PACS2: variants seen among roughly 807,000 people sequenced by gnomAD.
PACS2 encodes phosphofurin acidic cluster sorting protein 2.
Under a neutral mutation model 113.0 loss-of-function variants are expected in PACS2, and 36 were observed. That is an observed-to-expected ratio of 0.32 (90% CI 0.24 to 0.42). The LOEUF (loss-of-function observed/expected upper bound fraction) is 0.42. PACS2 is among the 10% of genes least tolerant of loss of function. PACS2 has a pLI of 1.00. For synonymous variants in PACS2, 589 were observed against 536.1 expected, an observed-to-expected ratio of 1.10 and a Z score of -1.36; for missense variants, 1,015 against 1,239.5, an observed-to-expected ratio of 0.82 and a Z score of 2.72.
intron 8 of PACS2, among the ~76,000 whole-genome samples, chr14:105,374,094 G>T (rs1272950844): frequency 3.3e-5 from 5 of 151,182 alleles, no homozygotes; most frequent in African/African-American, 1.2e-4. Flanking sequence ...GGCAGAGGTT[G>T]CAGTGAGCCA....
At position 105,382,258 on chromosome 14, in the gene PACS2, G is replaced by C. The variant is rs114186851; in HGVS notation, c.1413+200G>C. Among the ~76,000 whole-genome samples, 531 of 152,326 alleles carry C rather than the reference G, an allele frequency of 3.5e-3. 6 individuals carry two copies. Among genetic ancestry groups the C allele is most frequent in the African/African-American group, 0.012 (519 of 41,576 alleles). On this transcript the variant is annotated intron_variant, in intron 13 of 24. Transcript: ENST00000447393. ...GTCAGGAAGACCATGTGGACCCCAG[G>C]GCAAGTTCTAGTCCTTCTGCTGCCC...
Position 105,323,293 on chromosome 14 carries a change from C to T in PACS2, c.119+8256C>T, listed in dbSNP as rs1437030004. On this transcript the variant is annotated intron_variant, in intron 1 of 24. Transcript: ENST00000447393. The surrounding 1 kb of genome is among the most constrained non-coding windows in gnomAD (Gnocchi z 4.1). ...CAATTGGACGTGTTGCTCTTCCTGC[C>T]GGATCCTCCACATCCATAGATGCAC... Among the ~76,000 whole-genome samples the T allele has an allele frequency of 2.0e-5, 3 of 152,224 alleles. No individual in the cohort carries two copies. Among genetic ancestry groups the T allele is most frequent in the East Asian group, 1.9e-4 (1 of 5,202 alleles).
rs587635722 is a variant in PACS2, at chr14:105,348,466, G to C, written c.120-27G>C. The stretch of plus-strand genomic sequence containing the variant: ...CGTCCTGAGGAGAGGGCGGAGCCCC[G>C]AGGCTGAGCTGTGCCTTGCCTCACA... On this transcript the variant is annotated intron_variant, in intron 1 of 24. Transcript: ENST00000447393. The surrounding 1 kb of genome is among the most constrained non-coding windows in gnomAD (Gnocchi z 6.4). 8 of 1,578,894 alleles carry C rather than the reference G, an allele frequency of 5.1e-6. No individual in the cohort carries two copies. Among genetic ancestry groups the C allele is most frequent in the Non-Finnish European group, 7.0e-6 (8 of 1,151,012 alleles).
In PACS2 at chr14:105,391,653, C is replaced by G; in HGVS notation, c.2142C>G (p.Pro714=). 6.2e-7 allele frequency: 1 copy of G among 1,610,626 alleles called. No individual in the cohort carries two copies. Among genetic ancestry groups the G allele is most frequent in the East Asian group, 2.2e-5 (1 of 44,836 alleles). Residue 714 remains proline, a synonymous_variant, in exon 22 of 25, where the codon CCC becomes CCG. Coordinates refer to ENST00000447393, the MANE Select transcript of PACS2 (RefSeq NM_001100913.3). The part of the protein sequence containing the change: ...ATSGDSDDAA[P]SGSGTLSSTP... Reference sequence around the variant, plus strand: ...AAGGCGACTCGGACGACGCGGCCCCCTCGGGCTCTGGCACGCTCTCCTCCA... The same window carrying G: ...AAGGCGACTCGGACGACGCGGCCCCGTCGGGCTCTGGCACGCTCTCCTCCA...
chr14:105,392,685 C>T lies in PACS2; in HGVS notation c.2322C>T (p.Asp774=). The part of the protein sequence containing the change: ...VDYWTAAQPA[D]RKRDAEKKDL... ...ACTGGACGGCAGCACAGCCTGCGGA[C>T]AGGAAGAGGGACGCCGAGAAGAAGG... The change falls in exon 23 of 25, where the codon GAC becomes GAT. Residue 774 remains aspartate (D), a synonymous_variant. Coordinates refer to ENST00000447393, the MANE Select transcript of PACS2 (RefSeq NM_001100913.3). The T allele has an allele frequency of 6.2e-7, 1 of 1,612,796 alleles. No individual in the cohort carries two copies. Among genetic ancestry groups the T allele is most frequent in the Non-Finnish European group, 8.5e-7 (1 of 1,179,914 alleles).
intron 21 of PACS2, 38 bp downstream of exon 21, chr14:105,391,287 G>A (rs782718016): frequency 6.5e-6 from 10 of 1,535,918 alleles, no homozygotes; most frequent in East Asian, 2.2e-5. Context: ...TGAGTGGCCC[G>A]TGGGTGGGCT....
intron 21 of PACS2, 25 bp downstream of exon 21, chr14:105,391,274 T>C (rs781921836): frequency 6.3e-7 from 1 of 1,588,648 alleles, no homozygotes; most frequent in Non-Finnish European, 8.6e-7. Context: ...CCCTGAGGCC[T>C]TGTGAGTGGC....
At position 105,376,673 on chromosome 14, in the gene PACS2, T is replaced by A; in HGVS notation, c.802-95T>A. 8.3e-7 allele frequency: 1 copy of A among 1,204,958 alleles called. No individual in the cohort carries two copies. The highest frequency in any genetic ancestry group is 1.2e-6 in the Non-Finnish European group (1 of 853,134). 74.6% of individuals were successfully genotyped at this position (1,204,958 alleles called of 1,614,324 possible). ...GGGGTTTGGTGGCTGGGTGCCCGCC[T>A]CCTATTGCTCCTGCAGACTCTGGGG... On this transcript the variant is annotated intron_variant, in intron 8 of 24. Coordinates refer to ENST00000447393, the MANE Select transcript of PACS2 (RefSeq NM_001100913.3). This position sits in a 1 kb window ranked among gnomAD's most constrained non-coding sequence, Gnocchi z 4.7.
Position 105,394,679 on chromosome 14 carries a change from C to T in PACS2, c.*7C>T. On this transcript the variant is annotated 3_prime_UTR_variant, in exon 25 of 25. Coordinates refer to ENST00000447393, the MANE Select transcript of PACS2 (RefSeq NM_001100913.3). Reference sequence around the variant, plus strand: ...CTCCAAGGCCACCTTCTAGCCCCACCCACCAGGGGGCCCACCTCCTGCCCC... The same window carrying T: ...CTCCAAGGCCACCTTCTAGCCCCACTCACCAGGGGGCCCACCTCCTGCCCC... 1 of 1,577,950 alleles carries T rather than the reference C, an allele frequency of 6.3e-7. No individual in the cohort carries two copies. Among genetic ancestry groups the T allele is most frequent in the Non-Finnish European group, 8.7e-7 (1 of 1,147,630 alleles).
chr14:105,361,018 C>T (rs60719574), intron 4 of PACS2, among the ~76,000 whole-genome samples: 9,403 of 152,270 alleles, frequency 0.062, 1,037 homozygotes, highest in African/African-American at 0.22. Context: ...AGTCCTCAGG[C>T]TCTGCTTCTA....
Position 105,323,246 on chromosome 14 carries a change from C to G in PACS2, c.119+8209C>G, listed in dbSNP as rs997899248. Among the ~76,000 whole-genome samples, 1 of 152,214 alleles carries G rather than the reference C, an allele frequency of 6.6e-6. No homozygotes were observed. The highest frequency in any genetic ancestry group is 6.5e-5 in the Admixed American group (1 of 15,274). On this transcript the variant is annotated intron_variant, in intron 1 of 24. Transcript: ENST00000447393. The surrounding 1 kb of genome is among the most constrained non-coding windows in gnomAD (Gnocchi z 4.1). The stretch of plus-strand genomic sequence containing the variant: ...CTTCTGCTGTTGGTTCTGCGCTATT[C>G]TCTCTCTCACCTCTGGAGCAACAAT...
chr14:105,378,811 C>A (rs144498065), intron 9 of PACS2, among the ~76,000 whole-genome samples: 1 of 152,370 alleles, frequency 6.6e-6, no homozygotes, highest in Non-Finnish European at 1.5e-5. Context: ...AGGGATGAGA[C>A]ATTCGGCCTG....
At chr14:105,336,061 A>G (rs587604042) in intron 1 of PACS2, among the ~76,000 whole-genome samples, 66 of 152,296 alleles carry the variant, frequency 4.3e-4, no homozygotes, top group African/African-American at 1.5e-3. Context: ...GTGTGTGGCC[A>G]GCTGCCGCCA....
intron 12 of PACS2, 28 bp downstream of exon 12, chr14:105,381,127 G>T: frequency 3.1e-6 from 5 of 1,597,586 alleles, no homozygotes; most frequent in South Asian, 1.1e-5. Context: ...GCGGGGCGGG[G>T]CGGTGATGCA....
At position 105,305,860 on chromosome 14, in the gene PACS2, C is replaced by T. The variant is rs1345466767; in HGVS notation, c.-83+4881C>T. Among the ~76,000 whole-genome samples, 3 of 152,268 alleles carry T rather than the reference C, an allele frequency of 2.0e-5. No individual in the cohort carries two copies. In the East Asian group the frequency reaches 5.8e-4, roughly 29 times the overall value. ...AGCACCAGCTTCCTGTGCCCAGGGT[C>T]CTCTGTACTCCTCATTCAGCCCTGC... is the stretch of plus-strand genomic sequence containing the variant. On this transcript the variant is annotated intron_variant, in intron 1 of 23. Transcript: ENST00000430725.
chr14:105,324,478 C>T lies in PACS2; in HGVS notation c.119+9441C>T, dbSNP rs919914596. Among the ~76,000 whole-genome samples, 1 of 152,332 alleles carries T rather than the reference C, an allele frequency of 6.6e-6. No homozygotes were observed. The highest frequency in any genetic ancestry group is 1.5e-5 in the Non-Finnish European group (1 of 68,012). On this transcript the variant is annotated intron_variant, in intron 1 of 24. Coordinates refer to ENST00000447393, the MANE Select transcript of PACS2 (RefSeq NM_001100913.3). This position sits in a 1 kb window ranked among gnomAD's most constrained non-coding sequence, Gnocchi z 4.7. ...TGAGGGCAGCCCTGAGGCCTGTGAG[C>T]TGCTGGCCCCGCAGGGTGGCTGGGC... is the stretch of plus-strand genomic sequence containing the variant.
intron 20 of PACS2, chr14:105,390,469 C>T (rs587691563): frequency 5.4e-6 from 1 of 186,078 alleles, no homozygotes; most frequent in African/African-American, 2.3e-5. Context: ...GGCCATCTCC[C>T]TGCCAGCCCT....
At chr14:105,375,402 C>T (rs1352366750) in intron 8 of PACS2, among the ~76,000 whole-genome samples, 15 of 146,388 alleles carry the variant, frequency 1.0e-4, no homozygotes, top group African/African-American at 2.4e-4. Context: ...GGCGTGAACC[C>T]GGGAGGCGGA....
intron 1 of PACS2, among the ~76,000 whole-genome samples, chr14:105,347,018 T>C (rs1269381082): frequency 1.0e-5 from 1 of 96,552 alleles, no homozygotes; most frequent in Non-Finnish European, 2.1e-5. Flanking sequence ...TACCCCCGCC[T>C]GCACGGCTCC....
Sources: allele counts gnomAD v4.1 joint callset (sites outside exome capture counted in the v4.1 genomes callset), GRCh38; gene constraint gnomAD v4.1.1; non-coding constraint Gnocchi (gnomAD v3.1); transcripts MANE v1.5; gene names NCBI Gene and HGNC (gene_info 2026-07-23, HGNC 2026-07-21).